The following DAAM1 variants were observed in gnomAD, a reference collection of about 807,000 sequenced individuals.
DAAM1 encodes the protein dishevelled associated activator of morphogenesis 1.
In DAAM1, 52 loss-of-function variants were observed where a neutral mutation model predicts 130.0. The ratio of observed to expected loss-of-function variants is 0.40; its 90% CI spans 0.32 to 0.50. DAAM1 has a LOEUF of 0.50. DAAM1 is among the 20% of genes least tolerant of loss of function. DAAM1 has a pLI of 0.61. For missense variants in DAAM1, 1,134 were observed against 1,303.8 expected, an observed-to-expected ratio of 0.87 and a Z score of 2.01; for synonymous variants, 452 against 444.5, an observed-to-expected ratio of 1.02 and a Z score of -0.21.
Position 59,323,176 on chromosome 14 carries a change from A to G in DAAM1, c.725A>G (p.Gln242Arg), listed in dbSNP as rs1181775395. 2 of 1,613,516 alleles carry G rather than the reference A, an allele frequency of 1.2e-6. No individual in the cohort carries two copies. The highest frequency in any genetic ancestry group is 2.7e-5 in the African/African-American group (2 of 74,928). ...LVPGGHKKVL[Q>R]AMLHYQKYAS... ...CCCGGGGGCCACAAGAAGGTTCTGC[A>G]GGCCATGCTGCACTACCAGAAGTAT... Residue 242 changes from glutamine to arginine, a missense_variant, in exon 6 of 25, where the codon CAG becomes CGG. Around this residue, in one of 3 missense-constraint regions of DAAM1, gnomAD observed 391 missense variants for 521.6 expected, o/e 0.75. Coordinates refer to ENST00000360909, the MANE Select transcript of DAAM1 (RefSeq NM_001270520.2).
chr14:59,342,955 A>G (rs1337812648), intron 16 of DAAM1, among the ~76,000 whole-genome samples: 1 of 152,198 alleles, frequency 6.6e-6, no homozygotes, highest in Non-Finnish European at 1.5e-5. Flanking sequence ...TATCAATTGG[A>G]TTGAATGAAA....
At chr14:59,347,365 T>G (rs1254388107) in intron 16 of DAAM1, among the ~76,000 whole-genome samples, 174 bp from the exon 17 acceptor site, 1 of 152,200 alleles carries the variant, frequency 6.6e-6, no homozygotes, top group Non-Finnish European at 1.5e-5. Context: ...TGAAAGAATG[T>G]TAAAGCAGTT....
chr14:59,360,856 A>G lies in DAAM1; in HGVS notation c.2688A>G (p.Val896=). 1 of 1,613,564 alleles carries G rather than the reference A, an allele frequency of 6.2e-7. No individual in the cohort carries two copies. The highest frequency in any genetic ancestry group is 1.7e-4 in the Middle Eastern group (1 of 6,060). The change falls in exon 22 of 25, where the codon GTA becomes GTG. Residue 896 remains valine (V), a synonymous_variant. Transcript: ENST00000360909. ...CCTTGAGAAGTGGCTTGAAAGCAGT[A>G]GAGACAGTGAGTATTTTTTTGTTGT... ...ISTLRSGLKA[V]ETELEYQKSQ...
intron 1 of DAAM1, among the ~76,000 whole-genome samples, chr14:59,240,168 C>G (rs1889432532): frequency 6.6e-6 from 1 of 152,128 alleles, no homozygotes; most frequent in South Asian, 2.1e-4. Flanking sequence ...GGGGGTATGG[C>G]TTGAGATGAG....
intron 1 of DAAM1, among the ~76,000 whole-genome samples, chr14:59,239,736 T>C (rs903273400): frequency 6.6e-6 from 1 of 152,154 alleles, no homozygotes. Context: ...AAGTTTCAGA[T>C]TGTGGCCATC....
At chr14:59,336,669 A>G (rs946925745) in intron 15 of DAAM1, among the ~76,000 whole-genome samples, 4 of 152,194 alleles carry the variant, frequency 2.6e-5, no homozygotes, top group Non-Finnish European at 4.4e-5. Context: ...TTACATAGTT[A>G]TTAACTATTA....
intron 20 of DAAM1, among the ~76,000 whole-genome samples, chr14:59,358,120 T>C (rs1886554938): frequency 6.6e-6 from 1 of 152,234 alleles, no homozygotes; most frequent in Non-Finnish European, 1.5e-5. Flanking sequence ...TTGATCCTGG[T>C]TGCTTGATAA....
chr14:59,222,468 G>A (rs1456259149), intron 1 of DAAM1, among the ~76,000 whole-genome samples: 4 of 152,188 alleles, frequency 2.6e-5, no homozygotes, highest in Admixed American at 2.0e-4. Flanking sequence ...CATAAAGGGG[G>A]CTCAGTGTTG....
At chr14:59,363,589 G>A (rs1204150180) in intron 22 of DAAM1, 62 bp from the exon 23 acceptor site, 29 of 1,591,240 alleles carry the variant, frequency 1.8e-5, no homozygotes, top group African/African-American at 9.4e-5. Context: ...AATATGAGAC[G>A]AGGTGTGTCT....
intron 1 of DAAM1, among the ~76,000 whole-genome samples, chr14:59,211,811 T>C (rs1888433329): frequency 6.6e-6 from 1 of 152,226 alleles, no homozygotes; most frequent in Non-Finnish European, 1.5e-5. Context: ...ATCTTTAATA[T>C]AACACAGAAT....
At chr14:59,355,023 C>T (rs1865294403) in intron 19 of DAAM1, 142 bp from the exon 20 acceptor site, 5 of 1,144,926 alleles carry the variant, frequency 4.4e-6, no homozygotes, top group South Asian at 1.7e-5. Flanking sequence ...TTTGAAAGTG[C>T]TCTTGGTAAC....
chr14:59,236,449 C>T (rs1273589184), intron 1 of DAAM1, among the ~76,000 whole-genome samples: 1 of 152,092 alleles, frequency 6.6e-6, no homozygotes, highest in East Asian at 1.9e-4. Context: ...GAGCATGCCT[C>T]ACCTTTTCTC....
intron 20 of DAAM1, chr14:59,357,338 G>A (rs1886522009): frequency 1.3e-5 from 2 of 151,864 alleles, no homozygotes; most frequent in African/African-American, 4.8e-5. Flanking sequence ...TAGGTAAGAA[G>A]TCTCTCAATA....
intron 19 of DAAM1, 31 bp from the exon 20 acceptor site, chr14:59,355,134 T>C: frequency 1.9e-6 from 3 of 1,595,908 alleles, no homozygotes; most frequent in Non-Finnish European, 2.6e-6. Context: ...AAACACTTGG[T>C]AATCATGTTT....
chr14:59,239,412 AAG>A (rs920203570), intron 1 of DAAM1, among the ~76,000 whole-genome samples: 8 of 152,108 alleles, frequency 5.3e-5, no homozygotes, highest in Admixed American at 2.0e-4. Flanking sequence ...TAGATGGAAA[AAG>A]AGAGAGGTGT....
rs994349077 is a variant in DAAM1, at chr14:59,369,873, A to G, written c.*1014A>G. On this transcript the variant is annotated 3_prime_UTR_variant, in exon 25 of 25. Transcript: ENST00000360909. ...TAGGTCTGGACTAAAGGATACATAA[A>G]GAATGCACAAAATGTCAACATCAGC... The G allele has an allele frequency of 2.2e-4, 33 of 152,004 alleles. No individual in the cohort carries two copies. The highest frequency in any genetic ancestry group is 6.2e-4 in the South Asian group (3 of 4,822). 9.4% of individuals were successfully genotyped at this position (152,004 alleles called of 1,614,324 possible). A position where few individuals can be genotyped will look rare whatever the true frequency, so the allele number is the denominator to read the frequency against.
intron 2 of DAAM1, among the ~76,000 whole-genome samples, chr14:59,266,636 G>A (rs1480210228): frequency 6.6e-6 from 1 of 152,198 alleles, no homozygotes; most frequent in Non-Finnish European, 1.5e-5. Context: ...ATGAATTTTT[G>A]TCTACTCTTG....
intron 18 of DAAM1, among the ~76,000 whole-genome samples, chr14:59,353,337 T>C (rs1322620552): frequency 6.6e-6 from 1 of 152,104 alleles, no homozygotes; most frequent in Non-Finnish European, 1.5e-5. Flanking sequence ...GAGAGGGTGC[T>C]CACTATGAAG....
chr14:59,221,066 A>AC (rs778815325), intron 1 of DAAM1, among the ~76,000 whole-genome samples: 1 of 152,138 alleles, frequency 6.6e-6, no homozygotes, highest in Non-Finnish European at 1.5e-5. Context: ...CTTAAACCAT[A>AC]CCTAACCTCC....
Sources: allele counts gnomAD v4.1 joint callset (sites outside exome capture counted in the v4.1 genomes callset), GRCh38; gene constraint gnomAD v4.1.1; regional missense constraint gnomAD v4.1.1; transcripts MANE v1.5; gene names NCBI Gene and HGNC (gene_info 2026-07-23, HGNC 2026-07-21).